Variants in SLC2A9 observed in about 807,000 individuals in gnomAD.
SLC2A9 encodes the protein solute carrier family 2, facilitated glucose transporter member 9.
Under a neutral mutation model 50.6 loss-of-function variants are expected in SLC2A9, and 39 were observed. The ratio of observed to expected loss-of-function variants is 0.77; its 90% CI spans 0.60 to 1.01. The LOEUF (loss-of-function observed/expected upper bound fraction) is 1.01, where lower values mean the gene tolerates loss of function less well. Among genes scored for constraint, SLC2A9 ranks in the 50% least tolerant of loss-of-function variants. The pLI is 0.00. For synonymous variants in SLC2A9, 324 were observed against 276.9 expected (o/e 1.17, Z -1.69); for missense variants, 686 against 677.6 (o/e 1.01, Z -0.14).
chr4:9,869,160 G>T (rs113872359), intron 10 of SLC2A9, among the ~76,000 whole-genome samples: 1 of 152,080 alleles, frequency 6.6e-6, no homozygotes, highest in Non-Finnish European at 1.5e-5. Flanking sequence ...AGTATAAGTC[G>T]GGATCTGGAC....
intron 3 of SLC2A9, among the ~76,000 whole-genome samples, chr4:9,810,367 G>A (rs1344767627): frequency 6.6e-6 from 1 of 152,154 alleles, no homozygotes; most frequent in Non-Finnish European, 1.5e-5. Context: ...GATGAAGTGG[G>A]GACAATACCT....
intron 7 of SLC2A9, among the ~76,000 whole-genome samples, chr4:9,909,959 A>C (rs1741396519): frequency 6.6e-6 from 1 of 152,224 alleles, no homozygotes; most frequent in South Asian, 2.1e-4. Flanking sequence ...TCTTGTTTCT[A>C]TAGATCTGTT....
At chr4:9,854,682 T>C (rs1030295273) in intron 10 of SLC2A9, among the ~76,000 whole-genome samples, 4 of 152,142 alleles carry the variant, frequency 2.6e-5, no homozygotes, top group African/African-American at 9.7e-5. Flanking sequence ...CAGGCCAATA[T>C]CCTTGATGAA....
At chr4:9,779,092 A>T (rs1309950700), downstream of SLC2A9, among the ~76,000 whole-genome samples, 1 of 152,090 alleles carries the variant, frequency 6.6e-6, no homozygotes, top group African/African-American at 2.4e-5. Context: ...CTAAACGACT[A>T]TTATTAACTC....
intron 3 of SLC2A9, among the ~76,000 whole-genome samples, chr4:9,790,984 C>T (rs1719845850): frequency 2.0e-5 from 3 of 152,184 alleles, no homozygotes; most frequent in Admixed American, 1.3e-4. Context: ...TATTCTACCA[C>T]ATAAAATAAT....
intron 6 of SLC2A9, among the ~76,000 whole-genome samples, chr4:9,923,316 T>A (rs1257892881): frequency 6.6e-6 from 1 of 152,222 alleles, no homozygotes; most frequent in East Asian, 1.9e-4. Flanking sequence ...AATGACTCAG[T>A]GAGTTTAGGT....
chr4:9,910,815 T>C (rs981683261), intron 7 of SLC2A9, among the ~76,000 whole-genome samples: 7 of 152,224 alleles, frequency 4.6e-5, no homozygotes, highest in Admixed American at 4.6e-4. Flanking sequence ...CATAAAATTC[T>C]AAGTTCAGTG....
At chr4:9,774,995 G>A (rs2108823336), downstream of SLC2A9, among the ~76,000 whole-genome samples, 1 of 152,254 alleles carries the variant, frequency 6.6e-6, no homozygotes, top group African/African-American at 2.4e-5. Flanking sequence ...AACTCCATCT[G>A]ACCCTTGTGA....
intron 2 of SLC2A9, among the ~76,000 whole-genome samples, chr4:10,013,642 T>C (rs1762144350): frequency 6.6e-6 from 1 of 152,240 alleles, no homozygotes; most frequent in Non-Finnish European, 1.5e-5. Context: ...ATTTTCATTT[T>C]CGGCATTACA....
In SLC2A9 at chr4:9,991,297, C is replaced by T. The variant is rs116473950; in HGVS notation, c.410+5484G>A. 2.8e-3 allele frequency among the ~76,000 whole-genome samples: 431 copies of T among 152,318 alleles called. 1 individual carries two copies. Among genetic ancestry groups the T allele is most frequent in the Middle Eastern group, 0.014 (4 of 294 alleles). On this transcript the variant is annotated intron_variant, in intron 3 of 11. Transcript: ENST00000264784. ...TCAGGCTCTGCTTCTGGGCAATTGA[C>T]TTTCTGAGACAATTCCAGCCTGAAA...
chr4:9,918,033 G>C (rs1243863102), intron 7 of SLC2A9, among the ~76,000 whole-genome samples: 1 of 152,114 alleles, frequency 6.6e-6, no homozygotes, highest in Admixed American at 6.5e-5. Flanking sequence ...TGGGACCTTG[G>C]GCAATGCCTG....
chr4:9,847,068 C>T (rs182020630), intron 10 of SLC2A9, among the ~76,000 whole-genome samples: 1 of 152,302 alleles, frequency 6.6e-6, no homozygotes, highest in Non-Finnish European at 1.5e-5. Flanking sequence ...GGAGTTCCTG[C>T]CTCTTAGGTC....
At chr4:9,924,479 G>A (rs1231171320) in intron 6 of SLC2A9, among the ~76,000 whole-genome samples, 3 of 152,140 alleles carry the variant, frequency 2.0e-5, no homozygotes, top group African/African-American at 4.8e-5. Flanking sequence ...TGGGTGGGTG[G>A]GGTCCCAGTT....
chr4:9,928,044 A>AGGTG (rs1745238045), intron 6 of SLC2A9, among the ~76,000 whole-genome samples: 1 of 152,148 alleles, frequency 6.6e-6, no homozygotes, highest in Admixed American at 6.5e-5. Flanking sequence ...TGGGAGGCTG[A>AGGTG]GGTGGGAGGA....
At position 9,786,234 on chromosome 4, in the gene SLC2A9, T is replaced by G. The variant is rs867370805; in HGVS notation, n.386-6169A>C. Among the ~76,000 whole-genome samples the G allele has an allele frequency of 7.9e-5, 12 of 152,308 alleles. No homozygotes were observed. The South Asian group carries it at 2.5e-3, about 32-fold the overall frequency. ...CTCGCTGCCCTGTGAGGTAAGCACT[T>G]TTATTACCCCATTTTACAGATAAGG... On this transcript the variant is annotated intron_variant and non_coding_transcript_variant, in intron 3 of 3. Coordinates refer to the SLC2A9 transcript ENST00000503803.
intron 8 of SLC2A9, among the ~76,000 whole-genome samples, chr4:9,905,286 G>A (rs1385932672): frequency 6.6e-6 from 1 of 152,340 alleles, no homozygotes; most frequent in Middle Eastern, 3.4e-3. Flanking sequence ...TTATCCTTGG[G>A]TCATAGTCAA....
intron 3 of SLC2A9, among the ~76,000 whole-genome samples, chr4:9,802,834 G>A (rs1488362895): frequency 2.0e-5 from 3 of 152,124 alleles, no homozygotes; most frequent in Non-Finnish European, 2.9e-5. Flanking sequence ...AAAGTGCTGG[G>A]ATTACAGGCG....
At chr4:9,963,462 C>G (rs1752592726) in intron 5 of SLC2A9, among the ~76,000 whole-genome samples, 1 of 152,198 alleles carries the variant, frequency 6.6e-6, no homozygotes, top group African/African-American at 2.4e-5. Context: ...CCACGGTCAG[C>G]TCTACGTTGA....
At chr4:9,963,907 CTCAT>C (rs1217347294) in intron 5 of SLC2A9, among the ~76,000 whole-genome samples, 1 of 152,168 alleles carries the variant, frequency 6.6e-6, no homozygotes, top group African/African-American at 2.4e-5. Context: ...GCTGAGAAGT[CTCAT>C]TTAACAAACA....
Sources: gnomAD v4.1 joint callset for allele counts (sites outside exome capture counted in the v4.1 genomes callset) on GRCh38, gnomAD v4.1.1 for gene constraint, MANE v1.5 for transcripts, NCBI Gene and HGNC (gene_info 2026-07-23, HGNC 2026-07-21) for gene names.